Variants in RANBP2 observed in about 807,000 individuals in gnomAD.
The protein encoded by RANBP2 is E3 SUMO-protein ligase RanBP2.
A neutral mutation model predicts 303.6 loss-of-function variants in RANBP2; 57 were observed. That is an observed-to-expected ratio of 0.19 (90% confidence interval 0.15 to 0.23). The LOEUF (loss-of-function observed/expected upper bound fraction) is 0.23. Among genes scored for constraint, RANBP2 ranks in the 10% least tolerant of loss-of-function variants. The pLI is 1.00. For missense variants in RANBP2, 3,138 were observed against 3,780.8 expected, an observed-to-expected ratio of 0.83 and a Z score of 4.46; for synonymous variants, 1,167 against 1,301.5, an observed-to-expected ratio of 0.90 and a Z score of 2.23.
At chr2:109,579,674 C>T in the RANBP2 span, among the ~76,000 whole-genome samples, 4 of 151,744 alleles carry the variant, frequency 2.6e-5, no homozygotes, top group Non-Finnish European at 4.4e-5. Context: ...TGAGCCACCA[C>T]GCCCAGCCAG....
At chr2:108,750,100 C>G (rs995117306) in intron 9 of RANBP2, among the ~76,000 whole-genome samples, 14 of 152,370 alleles carry the variant, frequency 9.2e-5, no homozygotes, top group South Asian at 6.2e-4. Context: ...GAGCCAAGAT[C>G]ACACTGCTGC....
the RANBP2 span, among the ~76,000 whole-genome samples, chr2:109,299,099 C>T: frequency 5.9e-5 from 9 of 152,314 alleles, no homozygotes; most frequent in East Asian, 1.5e-3. Context: ...GCAGGCTCCC[C>T]CAGGGCATTT....
At chr2:109,240,839 C>T in the RANBP2 span, among the ~76,000 whole-genome samples, 1 of 150,666 alleles carries the variant, frequency 6.6e-6, no homozygotes, top group East Asian at 2.0e-4. Flanking sequence ...GGACTCCTGA[C>T]ACCCCCACCC....
the RANBP2 span, among the ~76,000 whole-genome samples, chr2:109,647,777 C>T: frequency 6.6e-6 from 1 of 152,162 alleles, no homozygotes; most frequent in African/African-American, 2.4e-5. Context: ...GCTCGGCTCT[C>T]CTCACTTAAA....
At chr2:109,310,511 T>C in the RANBP2 span, among the ~76,000 whole-genome samples, 1 of 70,356 alleles carries the variant, frequency 1.4e-5, no homozygotes, top group Non-Finnish European at 2.4e-5. Flanking sequence ...CTGAAGGAAA[T>C]AGAGACACAA....
At chr2:108,960,073 G>A in the RANBP2 span, among the ~76,000 whole-genome samples, 1 of 152,170 alleles carries the variant, frequency 6.6e-6, no homozygotes, top group Non-Finnish European at 1.5e-5. Context: ...GGGAAGCTGG[G>A]TGCTGGCCTG....
At chr2:108,901,875 G>A in the RANBP2 span, among the ~76,000 whole-genome samples, 181 of 152,010 alleles carry the variant, frequency 1.2e-3, no homozygotes, top group African/African-American at 4.3e-3. Flanking sequence ...AGGCCGAGGT[G>A]GGTATATTGC....
chr2:109,435,423 C>A, the RANBP2 span, among the ~76,000 whole-genome samples: 1 of 152,260 alleles, frequency 6.6e-6, no homozygotes, highest in East Asian at 1.9e-4. Flanking sequence ...AAGGCCTACT[C>A]CTTCCTGCAT....
chr2:109,479,241 A>G, the RANBP2 span, among the ~76,000 whole-genome samples: 1 of 152,134 alleles, frequency 6.6e-6, no homozygotes, highest in Non-Finnish European at 1.5e-5. Flanking sequence ...GGAGGATGTC[A>G]CAAGAGGTCT....
At chr2:108,756,477 G>T (rs1198905360) in intron 17 of RANBP2, among the ~76,000 whole-genome samples, 1 of 152,236 alleles carries the variant, frequency 6.6e-6, no homozygotes, top group Non-Finnish European at 1.5e-5. Context: ...ATGCTGATGT[G>T]TGGCGATTAT....
At chr2:108,885,654 A>G in the RANBP2 span, among the ~76,000 whole-genome samples, 1 of 152,210 alleles carries the variant, frequency 6.6e-6, no homozygotes, top group Admixed American at 6.5e-5. Flanking sequence ...AGTACAATAC[A>G]TCTTTGTTAA....
At chr2:109,235,324 T>G in the RANBP2 span, among the ~76,000 whole-genome samples, 1 of 152,166 alleles carries the variant, frequency 6.6e-6, no homozygotes, top group African/African-American at 2.4e-5. Context: ...CTACCTCCTC[T>G]TCATCCACCC....
the RANBP2 span, among the ~76,000 whole-genome samples, chr2:109,655,248 ATGAACTATGTGTC>A: frequency 6.6e-6 from 1 of 152,122 alleles, no homozygotes; most frequent in East Asian, 1.9e-4. Flanking sequence ...CCAGGTGGCC[ATGAACTATGTGTC>A]TCCGTTCCCA....
At chr2:109,345,448 C>T in the RANBP2 span, among the ~76,000 whole-genome samples, 131 of 152,210 alleles carry the variant, frequency 8.6e-4, no homozygotes, top group African/African-American at 2.8e-3. Flanking sequence ...TAGCAAAAGT[C>T]GCCAAACAGC....
chr2:109,642,585 T>G, the RANBP2 span, among the ~76,000 whole-genome samples: 2 of 150,342 alleles, frequency 1.3e-5, no homozygotes, highest in African/African-American at 4.9e-5. Context: ...CCGTCTCTAC[T>G]AAAAATACAA....
At chr2:109,357,296 C>G in the RANBP2 span, among the ~76,000 whole-genome samples, 4 of 152,256 alleles carry the variant, frequency 2.6e-5, no homozygotes, top group East Asian at 7.7e-4. Flanking sequence ...ATTCTCCTGC[C>G]TCAGCCTCCC....
chr2:109,674,410 C>CAAA, the RANBP2 span, among the ~76,000 whole-genome samples: 7,899 of 72,620 alleles, frequency 0.11, 386 homozygotes, highest in East Asian at 0.26. Flanking sequence ...CTTGTGTCTC[C>CAAA]AAAAAAAAAA....
At chr2:109,255,280 C>T in the RANBP2 span, among the ~76,000 whole-genome samples, 3 of 152,200 alleles carry the variant, frequency 2.0e-5, no homozygotes, top group African/African-American at 7.2e-5. Context: ...CACACTGTCA[C>T]ACTGGGCTTC....
intron 6 of RANBP2, among the ~76,000 whole-genome samples, chr2:108,739,146 T>G: frequency 6.6e-6 from 1 of 151,890 alleles, no homozygotes; most frequent in East Asian, 1.9e-4. Context: ...CTCAGCCCTG[T>G]AATCCCAGCA....
Sources: gnomAD v4.1 joint callset for allele counts (sites outside exome capture counted in the v4.1 genomes callset) on GRCh38, gnomAD v4.1.1 for gene constraint, MANE v1.5 for transcripts, NCBI Gene and HGNC (gene_info 2026-07-23, HGNC 2026-07-21) for gene names.